SH3RF3: variants seen among roughly 807,000 people sequenced by gnomAD.
SH3RF3 encodes the protein SH3 domain containing ring finger 3, also known as E3 ubiquitin-protein ligase SH3RF3.
A neutral mutation model predicts 66.3 loss-of-function variants in SH3RF3; 29 were observed. That is an observed-to-expected ratio of 0.44 (90% CI 0.33 to 0.60). SH3RF3 has a LOEUF of 0.60. SH3RF3 is among the 20% of genes least tolerant of loss of function. SH3RF3 has a pLI of 0.04. For missense variants in SH3RF3, 1,194 were observed against 1,190.9 expected (o/e 1.00, Z -0.04); for synonymous variants, 583 against 532.0 (o/e 1.10, Z -1.32).
At chr2:109,350,769 T>C (rs1682819925) in intron 2 of SH3RF3, among the ~76,000 whole-genome samples, 1 of 152,216 alleles carries the variant, frequency 6.6e-6, no homozygotes, top group South Asian at 2.1e-4. Flanking sequence ...AGGAACCAAA[T>C]GATTCCAGTG....
At chr2:109,228,081 A>C (rs944206408) in intron 1 of SH3RF3, among the ~76,000 whole-genome samples, 3 of 152,132 alleles carry the variant, frequency 2.0e-5, no homozygotes, top group African/African-American at 7.2e-5. Context: ...CTGGTTTGGT[A>C]CTTTTACTCT....
intron 4 of SH3RF3, among the ~76,000 whole-genome samples, chr2:109,411,279 C>T (rs1028835537): frequency 2.6e-5 from 4 of 152,224 alleles, no homozygotes; most frequent in African/African-American, 4.8e-5. Context: ...GAAGTCTGTG[C>T]CTTTACTCAG....
chr2:109,391,513 C>A (rs988633069), intron 3 of SH3RF3, among the ~76,000 whole-genome samples: 5 of 152,232 alleles, frequency 3.3e-5, no homozygotes, highest in Non-Finnish European at 7.3e-5. Flanking sequence ...TAGTGTTGCT[C>A]AGCCTCTGTC....
chr2:109,150,187 C>T (rs967594300), intron 1 of SH3RF3, among the ~76,000 whole-genome samples: 11 of 152,140 alleles, frequency 7.2e-5, no homozygotes, highest in African/African-American at 2.7e-4. Flanking sequence ...AGATCTGCAC[C>T]TGGAAGATGA....
At chr2:109,461,069 C>G (rs1678197250) in intron 8 of SH3RF3, among the ~76,000 whole-genome samples, 1 of 152,236 alleles carries the variant, frequency 6.6e-6, no homozygotes, top group Non-Finnish European at 1.5e-5. Context: ...GGCAGCATAG[C>G]AGGAGTGGTG....
chr2:109,324,981 A>C (rs1326386628), intron 1 of SH3RF3, among the ~76,000 whole-genome samples: 3 of 152,196 alleles, frequency 2.0e-5, no homozygotes, highest in African/African-American at 7.2e-5. Context: ...CAGTTTTGGC[A>C]AGGAAAAGTT....
intron 9 of SH3RF3, among the ~76,000 whole-genome samples, chr2:109,496,540 G>A (rs1413367446): frequency 6.6e-6 from 1 of 152,214 alleles, no homozygotes; most frequent in Non-Finnish European, 1.5e-5. Flanking sequence ...GTCAGTGAGG[G>A]TGAGGGCACC....
At chr2:109,346,855 T>C (rs926674081) in intron 1 of SH3RF3, among the ~76,000 whole-genome samples, 2 of 152,232 alleles carry the variant, frequency 1.3e-5, no homozygotes, top group African/African-American at 2.4e-5. Flanking sequence ...TACAGTCTTA[T>C]GCCCTTGAAC....
intron 1 of SH3RF3, among the ~76,000 whole-genome samples, chr2:109,214,180 A>G (rs942401251): frequency 6.6e-6 from 1 of 152,204 alleles, no homozygotes; most frequent in East Asian, 1.9e-4. Context: ...AGGTGAGGCT[A>G]AGACGCAGAC....
In SH3RF3 at chr2:109,153,688, T is replaced by C. The variant is rs370162800; in HGVS notation, c.573+23575T>C. Among the ~76,000 whole-genome samples the C allele has an allele frequency of 2.5e-4, 38 of 152,358 alleles. 1 individual carries two copies. In the South Asian group the frequency reaches 7.9e-3, roughly 32 times the overall value. ...ATTTCTGACACACTGGGAATGAATCTTGATCTAGTCTCCAGGGTGTGTACT... is the reference window on the plus strand; with the variant it reads ...ATTTCTGACACACTGGGAATGAATCCTGATCTAGTCTCCAGGGTGTGTACT... On this transcript the variant is annotated intron_variant, in intron 1 of 9. Coordinates refer to ENST00000309415, the MANE Select transcript of SH3RF3 (RefSeq NM_001099289.3).
intron 1 of SH3RF3, among the ~76,000 whole-genome samples, chr2:109,163,651 G>C (rs1276818531): frequency 6.6e-6 from 1 of 151,866 alleles, no homozygotes; most frequent in African/African-American, 2.4e-5. Context: ...CGCCCGCCTC[G>C]GCCTCCCAAA....
chr2:109,489,355 A>G (rs1327640961), intron 8 of SH3RF3, among the ~76,000 whole-genome samples: 1 of 152,210 alleles, frequency 6.6e-6, no homozygotes, highest in African/African-American at 2.4e-5. Context: ...CTGCAACAAC[A>G]ATCCAGGCAT....
intron 1 of SH3RF3, among the ~76,000 whole-genome samples, chr2:109,231,022 C>T (rs1233153104): frequency 6.6e-6 from 1 of 152,222 alleles, no homozygotes. Context: ...TTAATTGTCA[C>T]AGTTCCTGAA....
intron 1 of SH3RF3, among the ~76,000 whole-genome samples, chr2:109,157,829 A>G (rs765536739): frequency 6.6e-6 from 1 of 152,240 alleles, no homozygotes. Context: ...GTATGGGAGG[A>G]GCACTGCAAA....
chr2:109,245,897 C>T (rs1263642601), intron 1 of SH3RF3, among the ~76,000 whole-genome samples: 4 of 152,120 alleles, frequency 2.6e-5, no homozygotes, highest in East Asian at 1.9e-4. Flanking sequence ...AACACAATCC[C>T]GGGCATCATT....
chr2:109,367,566 G>A (rs1167233612), intron 2 of SH3RF3, among the ~76,000 whole-genome samples: 1 of 152,218 alleles, frequency 6.6e-6, no homozygotes, highest in Non-Finnish European at 1.5e-5. Context: ...ACAGGCATGA[G>A]CCACTGTGCC....
intron 1 of SH3RF3, among the ~76,000 whole-genome samples, chr2:109,176,194 A>T (rs1381386476): frequency 1.3e-5 from 2 of 152,198 alleles, no homozygotes; most frequent in East Asian, 3.8e-4. Context: ...CCAGTGGGGG[A>T]AAAGCAGACT....
intron 5 of SH3RF3, among the ~76,000 whole-genome samples, chr2:109,426,667 A>G (rs1043796957): frequency 4.6e-5 from 7 of 152,222 alleles, no homozygotes; most frequent in Admixed American, 3.9e-4. Context: ...TAAACAGTTG[A>G]TGAAGCAGCA....
intron 1 of SH3RF3, among the ~76,000 whole-genome samples, chr2:109,266,654 A>G (rs1014391033): frequency 5.3e-5 from 8 of 151,744 alleles, no homozygotes; most frequent in Non-Finnish European, 7.4e-5. Flanking sequence ...TCCTCAGCAC[A>G]AAGGGCAGCT....
Sources: allele counts gnomAD v4.1 joint callset (sites outside exome capture counted in the v4.1 genomes callset), GRCh38; gene constraint gnomAD v4.1.1; transcripts MANE v1.5; gene names NCBI Gene and HGNC (gene_info 2026-07-23, HGNC 2026-07-21).